Variants in CHN1 observed in about 807,000 individuals in gnomAD.
The protein encoded by CHN1 is N-chimaerin.
Under a neutral mutation model 59.5 loss-of-function variants are expected in CHN1, and 37 were observed. The observed-to-expected ratio is 0.62, with a 90% confidence interval of 0.48 to 0.82. CHN1 has a LOEUF of 0.82. Among genes scored for constraint, CHN1 ranks in the 40% least tolerant of loss-of-function variants. The pLI is 0.00. For synonymous variants in CHN1, 206 were observed against 200.4 expected, an observed-to-expected ratio of 1.03 and a Z score of -0.24; for missense variants, 469 against 571.0, an observed-to-expected ratio of 0.82 and a Z score of 1.82.
intron 1 of CHN1, among the ~76,000 whole-genome samples, chr2:174,994,237 T>C (rs1691635100): frequency 6.6e-6 from 1 of 152,254 alleles, no homozygotes; most frequent in Non-Finnish European, 1.5e-5. Context: ...GAGATTTCTA[T>C]TTTATTCGAG....
chr2:174,811,227 G>T (rs957553834), intron 10 of CHN1: 1 of 257,578 alleles, frequency 3.9e-6, no homozygotes, highest in Admixed American at 5.2e-5. Context: ...ATCATTTTTG[G>T]TGAATGTAAT....
chr2:174,883,941 GAATC>G (rs1649966307), intron 5 of CHN1, among the ~76,000 whole-genome samples: 1 of 144,624 alleles, frequency 6.9e-6, no homozygotes, highest in African/African-American at 2.5e-5. Flanking sequence ...TTAAGATAGA[GAATC>G]AATCCAGAAA....
intron 7 of CHN1, among the ~76,000 whole-genome samples, chr2:174,839,270 G>A (rs564031373): frequency 6.6e-6 from 1 of 152,048 alleles, no homozygotes; most frequent in Non-Finnish European, 1.5e-5. Context: ...TTTAAAAATT[G>A]CGTGTTTTTC....
intron 1 of CHN1, among the ~76,000 whole-genome samples, chr2:174,962,200 G>A (rs1193637): frequency 0.011 from 1,602 of 152,142 alleles, 20 homozygotes; most frequent in African/African-American, 0.036. Flanking sequence ...CAGGAGAATC[G>A]CTTGAACCTG....
At chr2:174,898,653 C>G (rs2105354077) in intron 5 of CHN1, among the ~76,000 whole-genome samples, 1 of 152,212 alleles carries the variant, frequency 6.6e-6, no homozygotes, top group East Asian at 1.9e-4. Context: ...GTAGTCAAAC[C>G]TAATTCCAGT....
At chr2:174,951,253 C>G (rs971318634) in intron 2 of CHN1, among the ~76,000 whole-genome samples, 1 of 152,108 alleles carries the variant, frequency 6.6e-6, no homozygotes, top group Non-Finnish European at 1.5e-5. Context: ...AGAGACTGTT[C>G]ATATTTTACT....
At position 174,799,693 on chromosome 2, in the gene CHN1, C is replaced by T. The variant is rs1216574753; in HGVS notation, c.*423G>A. 8 of 533,538 alleles carry T rather than the reference C, an allele frequency of 1.5e-5. No homozygotes were observed. The highest frequency in any genetic ancestry group is 9.2e-5 in the South Asian group (6 of 65,162). The allele number at this position is 533,538 out of a possible 1,614,324, so 33.1% of individuals were successfully genotyped here. A position where few individuals can be genotyped will look rare whatever the true frequency, so the allele number is the denominator to read the frequency against. On this transcript the variant is annotated 3_prime_UTR_variant, in exon 13 of 13. Coordinates refer to ENST00000409900, the MANE Select transcript of CHN1 (RefSeq NM_001822.7). ...GTGCTGTTTTATCCATTTGTGTGTG[C>T]GTGTTTGTACAAGCATCAGAAACCA...
chr2:175,001,816 T>C (rs1691899577), intron 1 of CHN1, among the ~76,000 whole-genome samples: 1 of 152,220 alleles, frequency 6.6e-6, no homozygotes, highest in African/African-American at 2.4e-5. Flanking sequence ...CACCCAGCTC[T>C]GCCAACTAAG....
intron 5 of CHN1, among the ~76,000 whole-genome samples, chr2:174,881,066 C>T (rs764370882): frequency 3.3e-5 from 5 of 151,406 alleles, no homozygotes; most frequent in Non-Finnish European, 7.4e-5. Context: ...AAAAAAAGTC[C>T]GTCTTCAGAT....
intron 6 of CHN1, among the ~76,000 whole-genome samples, chr2:174,860,236 T>G (rs539922460): frequency 1.3e-5 from 2 of 152,306 alleles, no homozygotes; most frequent in East Asian, 3.9e-4. Flanking sequence ...AGCTTTCCAT[T>G]AAAATCCACC....
In CHN1 at chr2:174,919,404, AGAT is replaced by A. The variant is rs555331496; in HGVS notation, c.115-842_115-840del. 7.3e-5 allele frequency among the ~76,000 whole-genome samples: 10 copies of A among 136,492 alleles called. No individual in the cohort carries two copies. In the East Asian group the frequency reaches 1.8e-3, roughly 25 times the overall value. 89.5% of individuals were successfully genotyped at this position (136,492 alleles called of 152,430 possible). On this transcript the variant is annotated intron_variant, in intron 3 of 12. Transcript: ENST00000409900. Reference sequence around the variant, plus strand: ...CATTTAAAGTGAGTCCTGAATGACAAGATGCCAACTCCGACTGTTCATAGGAAC... The same window carrying A: ...CATTTAAAGTGAGTCCTGAATGACAAGCCAACTCCGACTGTTCATAGGAAC...
At chr2:174,968,678 A>G (rs762838488) in intron 1 of CHN1, among the ~76,000 whole-genome samples, 12 of 152,266 alleles carry the variant, frequency 7.9e-5, no homozygotes, top group Non-Finnish European at 1.8e-4. Flanking sequence ...TGACACTTGC[A>G]TGCAACAAGG....
At chr2:174,826,418 T>C (rs1052559597) in intron 7 of CHN1, among the ~76,000 whole-genome samples, 4 of 152,198 alleles carry the variant, frequency 2.6e-5, no homozygotes, top group African/African-American at 9.7e-5. Context: ...AACAGAATTG[T>C]GAAGCTACTT....
intron 7 of CHN1, among the ~76,000 whole-genome samples, chr2:174,834,548 T>C (rs994571836): frequency 6.6e-6 from 1 of 152,230 alleles, no homozygotes; most frequent in Admixed American, 6.5e-5. Flanking sequence ...TCAAGGTTAA[T>C]AGATTTCTTT....
chr2:174,890,470 A>G (rs912457394), intron 5 of CHN1, among the ~76,000 whole-genome samples: 5 of 152,188 alleles, frequency 3.3e-5, no homozygotes, highest in African/African-American at 1.2e-4. Flanking sequence ...AGGCAGAAGC[A>G]TCATTTAAGC....
intron 1 of CHN1, among the ~76,000 whole-genome samples, chr2:174,985,063 T>C (rs1246210010): frequency 6.6e-6 from 1 of 152,228 alleles, no homozygotes; most frequent in Admixed American, 6.5e-5. Flanking sequence ...TCTTTGATAC[T>C]ATTTGCTTGA....
At chr2:174,973,246 T>C (rs1690816045) in intron 1 of CHN1, among the ~76,000 whole-genome samples, 1 of 152,206 alleles carries the variant, frequency 6.6e-6, no homozygotes, top group South Asian at 2.1e-4. Context: ...ACATATGATA[T>C]GCAGAACTAT....
chr2:174,839,016 T>TAA (rs780663866), intron 7 of CHN1, among the ~76,000 whole-genome samples: 2 of 142,336 alleles, frequency 1.4e-5, no homozygotes, highest in African/African-American at 5.1e-5. Flanking sequence ...GACTCTGTCT[T>TAA]AAAAAAAAAA....
chr2:174,821,547 T>G (rs980942109), intron 8 of CHN1, among the ~76,000 whole-genome samples: 1 of 152,214 alleles, frequency 6.6e-6, no homozygotes, highest in Non-Finnish European at 1.5e-5. Flanking sequence ...CAGAGATGAT[T>G]AGCTTATGAG....
Sources: allele counts gnomAD v4.1 joint callset (sites outside exome capture counted in the v4.1 genomes callset), GRCh38; gene constraint gnomAD v4.1.1; transcripts MANE v1.5; gene names NCBI Gene and HGNC (gene_info 2026-07-23, HGNC 2026-07-21).